The following IFIH1 variants were observed in gnomAD, a reference collection of about 807,000 sequenced individuals.
IFIH1 encodes interferon-induced helicase C domain-containing protein 1.
In IFIH1, 125 loss-of-function variants were observed where a neutral mutation model predicts 107.4. That is an observed-to-expected ratio of 1.16 (90% CI 1.01 to 1.35). The LOEUF is 1.35. IFIH1 is among the 40% of genes most tolerant of loss of function. IFIH1 has a pLI of 0.00. For synonymous variants in IFIH1, 458 were observed against 413.2 expected, an observed-to-expected ratio of 1.11 and a Z score of -1.31; for missense variants, 1,333 against 1,213.7, an observed-to-expected ratio of 1.10 and a Z score of -1.46.
chr2:162,284,917 G>T (rs1482198307), intron 5 of IFIH1, among the ~76,000 whole-genome samples: 1 of 151,880 alleles, frequency 6.6e-6, no homozygotes, highest in Non-Finnish European at 1.5e-5. Context: ...CCCATAAAAG[G>T]TGAGTCAAAA....
chr2:162,298,903 T>C (rs757213915), intron 3 of IFIH1, among the ~76,000 whole-genome samples: 1 of 152,040 alleles, frequency 6.6e-6, no homozygotes, highest in Non-Finnish European at 1.5e-5. Flanking sequence ...ACCTTGCATA[T>C]TCTCTCCTGG....
intron 11 of IFIH1, among the ~76,000 whole-genome samples, chr2:162,275,168 A>T (rs1691128211): frequency 6.6e-6 from 1 of 152,192 alleles, no homozygotes; most frequent in African/African-American, 2.4e-5. Flanking sequence ...ACCCCAGTTT[A>T]CAAGGTGAGG....
At chr2:162,299,246 T>C (rs748985460) in intron 3 of IFIH1, among the ~76,000 whole-genome samples, 3 of 152,118 alleles carry the variant, frequency 2.0e-5, no homozygotes, top group Non-Finnish European at 4.4e-5. Context: ...CAGTTAATAG[T>C]GAGAAGCCAG....
In IFIH1 at chr2:162,267,122, G is replaced by T; in HGVS notation, c.*78C>A. ...TTTTATTGATTCTTATGTCAGTTCT[G>T]TAGCATAATGAATACATTAATCATA... On this transcript the variant is annotated 3_prime_UTR_variant, in exon 16 of 16. Transcript: ENST00000649979. 9.4e-7 allele frequency: 1 copy of T among 1,060,182 alleles called. No individual in the cohort carries two copies. The highest frequency in any genetic ancestry group is 1.4e-6 in the Non-Finnish European group (1 of 728,330). The allele number at this position is 1,060,182 out of a possible 1,614,324, so 65.7% of individuals were successfully genotyped here. A position where few individuals can be genotyped will look rare whatever the true frequency, so the allele number is the denominator to read the frequency against.
At chr2:162,280,597 C>T (rs1297643949) in intron 7 of IFIH1, among the ~76,000 whole-genome samples, 3 of 152,014 alleles carry the variant, frequency 2.0e-5, no homozygotes, top group Non-Finnish European at 4.4e-5. Flanking sequence ...TGGGAGCATC[C>T]TTAGTCATGT....
intron 7 of IFIH1, 117 bp from the exon 8 acceptor site, chr2:162,280,229 G>A (rs907617788): frequency 1.6e-6 from 1 of 639,320 alleles, no homozygotes; most frequent in Non-Finnish European, 2.8e-6. Flanking sequence ...ATAAATATGT[G>A]GTATAAAATT....
chr2:162,312,310 T>C (rs1275109648), intron 1 of IFIH1, among the ~76,000 whole-genome samples: 1 of 152,142 alleles, frequency 6.6e-6, no homozygotes, highest in Non-Finnish European at 1.5e-5. Context: ...ATTTCCGTCT[T>C]AGCATCTAGT....
Position 162,276,886 on chromosome 2 carries a change from G to A in IFIH1, c.2105C>T (p.Thr702Ile), listed in dbSNP as rs72650663. The change falls in exon 11 of 16, where the codon ACC becomes ATC. Residue 702 changes from threonine to isoleucine, a missense_variant. Physicochemically the swap from Thr to Ile is moderately conservative, Grantham distance 89 (BLOSUM62 -1). Transcript: ENST00000649979. The part of the protein sequence containing the change: ...ENPEYENEKL[T>I]KLRNTIMEQY... ...CTCCATTATGGTATTTCTTAATTTGGTCAGCTTTTCATTTTCATATTCTGG... is the reference window on the plus strand; with the variant it reads ...CTCCATTATGGTATTTCTTAATTTGATCAGCTTTTCATTTTCATATTCTGG... 3.3e-3 allele frequency: 5,341 copies of A among 1,612,420 alleles called. 20 individuals carry two copies. Among genetic ancestry groups the A allele is most frequent in the Non-Finnish European group, 4.0e-3 (4,725 of 1,179,330 alleles).
chr2:162,282,373 T>C lies in IFIH1; in HGVS notation c.1299A>G (p.Gln433=), dbSNP rs1423551547. 2 of 1,606,386 alleles carry C rather than the reference T, an allele frequency of 1.2e-6. No individual in the cohort carries two copies. Among genetic ancestry groups the C allele is most frequent in the East Asian group, 2.2e-5 (1 of 44,756 alleles). ...NLENGEDAGV[Q]LSDFSLIIID... is the part of the protein sequence containing the mutation. ...ATAAACACTTAAACTGACCTGACAATTGAACACCAGCATCTTCTCCATTTT... is the reference window on the plus strand; with the variant it reads ...ATAAACACTTAAACTGACCTGACAACTGAACACCAGCATCTTCTCCATTTT... Residue 433 remains glutamine (Q), a synonymous_variant, in exon 6 of 16, where the codon CAA becomes CAG. Transcript: ENST00000649979.
intron 3 of IFIH1, among the ~76,000 whole-genome samples, chr2:162,305,453 C>T (rs1683266035): frequency 6.6e-6 from 1 of 151,978 alleles, no homozygotes; most frequent in Non-Finnish European, 1.5e-5. Flanking sequence ...GCCTGTAATC[C>T]CAGCTACTTG....
Position 162,277,471 on chromosome 2 carries a change from A to T in IFIH1, c.1988T>A (p.Leu663Ter). The change falls in exon 10 of 16, where the codon TTA becomes TAA. Residue 663 changes from leucine (L) to a stop codon, truncating the protein, a stop_gained. Coordinates refer to ENST00000649979, the MANE Select transcript of IFIH1 (RefSeq NM_022168.4). LOFTEE classifies it high-confidence loss of function. ...TTCATCCAGTTTCAAAGGTTTCTTT[A>T]AATCATCCTCATCTTCATCACCATC... Reference protein sequence around the residue: ...YCDGDEDEDDLKKPLKLDETD... With the variant: ...YCDGDEDEDD The T allele has an allele frequency of 6.2e-7, 1 of 1,607,538 alleles. No homozygotes were observed. The highest frequency in any genetic ancestry group is 8.5e-7 in the Non-Finnish European group (1 of 1,175,100).
intron 2 of IFIH1, 51 bp downstream of exon 2, chr2:162,310,714 T>C: frequency 1.3e-6 from 2 of 1,490,018 alleles, no homozygotes; most frequent in Non-Finnish European, 1.9e-6. Context: ...TATTGAATTC[T>C]CAATCACTAG....
At chr2:162,273,183 C>T (rs1691079290) in intron 12 of IFIH1, among the ~76,000 whole-genome samples, 1 of 152,160 alleles carries the variant, frequency 6.6e-6, no homozygotes, top group Non-Finnish European at 1.5e-5. Context: ...TATTAATCAG[C>T]ATAACACCTA....
At chr2:162,301,322 A>G (rs1256339696) in intron 3 of IFIH1, among the ~76,000 whole-genome samples, 1 of 152,194 alleles carries the variant, frequency 6.6e-6, no homozygotes, top group Non-Finnish European at 1.5e-5. Flanking sequence ...TTACATTATA[A>G]TCTTTCACGC....
rs552578876 is a variant in IFIH1 at position 162,281,273 on chromosome 2, C to T, written c.1524+55G>A. 17 of 1,361,306 alleles carry T rather than the reference C, an allele frequency of 1.2e-5. No homozygotes were observed. The South Asian group carries it at 2.0e-4, about 16-fold the overall frequency. 84.3% of individuals were successfully genotyped at this position (1,361,306 alleles called of 1,614,324 possible). A position where few individuals can be genotyped will look rare whatever the true frequency, so the allele number is the denominator to read the frequency against. ...ATCTTATTTAATAAGACCAAGAAGT[C>T]CTGGCATTTGTTTTAGCTTTGCTTT... On this transcript the variant is annotated intron_variant, in intron 7 of 15. Transcript: ENST00000649979.
rs2105187934 is a variant in IFIH1 at position 162,268,236 on chromosome 2, C to T, written c.2658G>A (p.Met886Ile). 4 of 1,612,288 alleles carry T rather than the reference C, an allele frequency of 2.5e-6. No homozygotes were observed. The South Asian group carries it at 4.4e-5, about 18-fold the overall frequency. ...LQMQSIMEKKMKTKRNIAKHY... is the reference protein window; with the variant it reads ...LQMQSIMEKKIKTKRNIAKHY... ...GCTTGGCAATATTTCTCTTGGTTTT[C>T]ATTTTCTTTTCCATTATACTTTGCA... is the stretch of plus-strand genomic sequence containing the variant. The change falls in exon 14 of 16, where the codon ATG becomes ATA. Residue 886 changes from methionine (M) to isoleucine (I), a missense_variant. Physicochemically the swap from Met to Ile is conservative, Grantham distance 10. Coordinates refer to ENST00000649979, the MANE Select transcript of IFIH1 (RefSeq NM_022168.4).
chr2:162,282,605 G>C, intron 5 of IFIH1, 29 bp from the exon 6 acceptor site: 2 of 1,503,954 alleles, frequency 1.3e-6, no homozygotes, highest in Non-Finnish European at 1.8e-6. Context: ...TTTTTTAAAA[G>C]AGAGAAAGTT....
intron 5 of IFIH1, among the ~76,000 whole-genome samples, chr2:162,285,828 T>C (rs1682883853): frequency 6.6e-6 from 1 of 151,972 alleles, no homozygotes; most frequent in Admixed American, 6.6e-5. Context: ...AAAAGATCAA[T>C]AGTTAAAGAA....
intron 3 of IFIH1, among the ~76,000 whole-genome samples, chr2:162,295,936 G>A (rs1683078487): frequency 1.3e-5 from 2 of 151,852 alleles, no homozygotes; most frequent in Non-Finnish European, 2.9e-5. Flanking sequence ...TAAGATTTTT[G>A]AGGCAAAAAA....
Sources: gnomAD v4.1 joint callset for allele counts (sites outside exome capture counted in the v4.1 genomes callset) on GRCh38, gnomAD v4.1.1 for gene constraint, MANE v1.5 for transcripts, NCBI Gene and HGNC (gene_info 2026-07-23, HGNC 2026-07-21) for gene names.